The following FLT4 variants were observed in gnomAD, a reference collection of about 807,000 sequenced individuals.
FLT4 encodes vascular endothelial growth factor receptor 3.
Under a neutral mutation model 163.2 loss-of-function variants are expected in FLT4, and 30 were observed. The observed-to-expected ratio is 0.18, with a 90% CI of 0.14 to 0.25. FLT4 has a LOEUF of 0.25. Ranked by LOEUF, FLT4 falls within the 10% of genes least tolerant of loss-of-function variation. The pLI, the probability that FLT4 is intolerant of heterozygous loss-of-function variation, is 1.00. For synonymous variants in FLT4, 884 were observed against 789.5 expected (o/e 1.12, Z -2.01); for missense variants, 1,510 against 1,863.8 (o/e 0.81, Z 3.50).
chr5:180,648,541 C>T (rs1765587333), intron 1 of FLT4, among the ~76,000 whole-genome samples: 1 of 152,174 alleles, frequency 6.6e-6, no homozygotes, highest in Non-Finnish European at 1.5e-5. Flanking sequence ...GACACTGGAA[C>T]CCCTGACCCC....
intron 22 of FLT4, 91 bp from the exon 23 acceptor site, chr5:180,616,580 G>A (rs1762709194): frequency 1.4e-6 from 2 of 1,410,190 alleles, no homozygotes; most frequent in Non-Finnish European, 2.0e-6. Context: ...AAGCAGTGGG[G>A]ACCATGGGGA....
chr5:180,642,073 G>A (rs1009870648), intron 1 of FLT4, among the ~76,000 whole-genome samples: 7 of 152,116 alleles, frequency 4.6e-5, no homozygotes, highest in Non-Finnish European at 7.3e-5. Context: ...CCAGTGTGGT[G>A]GCGGGCGCCT....
intron 21 of FLT4, 79 bp downstream of exon 21, chr5:180,618,691 C>T (rs1000888905): frequency 6.2e-6 from 3 of 481,782 alleles, no homozygotes; most frequent in Non-Finnish European, 9.8e-6. Flanking sequence ...CCGCTGAGGA[C>T]CCCAGGCTGG....
intron 1 of FLT4, among the ~76,000 whole-genome samples, chr5:180,639,796 T>C (rs1764965882): frequency 6.6e-6 from 1 of 152,178 alleles, no homozygotes; most frequent in South Asian, 2.1e-4. Flanking sequence ...CCTTCCTGCC[T>C]GGCTGTTGTC....
intron 29 of FLT4, among the ~76,000 whole-genome samples, 187 bp from the exon 30 acceptor site, chr5:180,603,577 T>G (rs558676334): frequency 1.8e-4 from 28 of 152,066 alleles, no homozygotes; most frequent in African/African-American, 6.5e-4. Context: ...CCAGGCATGG[T>G]GGTGCACGCC....
chr5:180,614,542 C>T (rs1002892001), intron 23 of FLT4, among the ~76,000 whole-genome samples: 1 of 152,102 alleles, frequency 6.6e-6, no homozygotes, highest in African/African-American at 2.4e-5. Flanking sequence ...ACCATCTCCC[C>T]TGACAAGCAC....
At position 180,602,485 on chromosome 5, in the gene FLT4, T is replaced by C. The variant is rs1761564985; in HGVS notation, c.*707A>G. ...GAAAGCAAATTCTTCTCAGCAGCTC[T>C]AACAGTCTGTGAAGTTCTGTTGAAA... On this transcript the variant is annotated 3_prime_UTR_variant, in exon 30 of 30. Transcript: ENST00000261937. 7.5e-6 allele frequency: 3 copies of C among 398,312 alleles called. No individual in the cohort carries two copies. The highest frequency in any genetic ancestry group is 1.3e-5 in the Non-Finnish European group (3 of 226,386). The allele number at this position is 398,312 out of a possible 1,614,324, so 24.7% of individuals were successfully genotyped here.
chr5:180,615,433 G>A (rs1314844438), intron 23 of FLT4, among the ~76,000 whole-genome samples: 1 of 117,800 alleles, frequency 8.5e-6, no homozygotes. Flanking sequence ...CTTCCTTTCG[G>A]AGCACTGGGC....
Position 180,603,084 on chromosome 5 carries a change from C to T in FLT4, c.*108G>A. The T allele has an allele frequency of 9.3e-7, 1 of 1,073,038 alleles. No homozygotes were observed. Among genetic ancestry groups the T allele is most frequent in the Non-Finnish European group, 1.4e-6 (1 of 707,632 alleles). 66.5% of individuals were successfully genotyped at this position (1,073,038 alleles called of 1,614,324 possible). A position where few individuals can be genotyped will look rare whatever the true frequency, so the allele number is the denominator to read the frequency against. On this transcript the variant is annotated 3_prime_UTR_variant, in exon 30 of 30. Transcript: ENST00000261937. ...TCTGCAGAGAGGGAAGAGGACACTC[C>T]TGTGCCACCAGAGTTCAACCAGATG... is the stretch of plus-strand genomic sequence containing the variant.
At position 180,631,064 on chromosome 5, in the gene FLT4, C is replaced by A. The variant is rs529008737; in HGVS notation, c.156-265G>T. Among the ~76,000 whole-genome samples, 4 of 152,172 alleles carry A rather than the reference C, an allele frequency of 2.6e-5. No individual in the cohort carries two copies. The East Asian group carries it at 7.8e-4, about 30-fold the overall frequency. On this transcript the variant is annotated intron_variant, in intron 2 of 29. Coordinates refer to ENST00000261937, the MANE Select transcript of FLT4 (RefSeq NM_182925.5). The stretch of plus-strand genomic sequence containing the variant: ...GGTGGGGAGGTACCCATCTCTGGGG[C>A]CCCAGTGGGTGCTCCCAGGGTGGCT...
Position 180,616,499 on chromosome 5 carries a change from G to A in FLT4, c.3097-10C>T, listed in dbSNP as rs200714115. 9.9e-5 allele frequency: 159 copies of A among 1,613,488 alleles called. 1 individual carries two copies. The African/African-American group carries it at 1.5e-3, about 15-fold the overall frequency. ...GGTCTCTGTGGATGCACTGGGGTGC[G>A]GGGAGGCGGCAGGGGGGCTGTCAGT... On this transcript the variant is annotated splice_polypyrimidine_tract_variant and intron_variant, in intron 22 of 29. Coordinates refer to ENST00000261937, the MANE Select transcript of FLT4 (RefSeq NM_182925.5).
chr5:180,647,264 A>G (rs1765533224), intron 1 of FLT4, among the ~76,000 whole-genome samples: 1 of 152,162 alleles, frequency 6.6e-6, no homozygotes, highest in Admixed American at 6.5e-5. Context: ...AAGACTGTGG[A>G]ACTGCAGCAG....
At position 180,621,162 on chromosome 5, in the gene FLT4, G is replaced by A. The variant is rs773021479; in HGVS notation, c.2111C>T (p.Ala704Val). 3 of 1,612,810 alleles carry A rather than the reference G, an allele frequency of 1.9e-6. No individual in the cohort carries two copies. The highest frequency in any genetic ancestry group is 2.2e-5 in the East Asian group (1 of 44,860). Residue 704 changes from alanine (A) to valine (V), a missense_variant, in exon 14 of 30, where the codon GCG becomes GTG. Ala to Val is a moderately conservative substitution (Grantham distance 64). Coordinates refer to ENST00000261937, the MANE Select transcript of FLT4 (RefSeq NM_182925.5). Reference protein sequence around the residue: ...SLEMQCLVAGAHAPSIVWYKD... With the variant: ...SLEMQCLVAGVHAPSIVWYKD... ...GTACCACACGATGCTGGGCGCGTGCGCTCCGGCCACCAAGCACTGCATCTC... is the reference window on the plus strand; with the variant it reads ...GTACCACACGATGCTGGGCGCGTGCACTCCGGCCACCAAGCACTGCATCTC...
chr5:180,615,235 G>C (rs1389518731), intron 23 of FLT4, among the ~76,000 whole-genome samples: 3 of 82,018 alleles, frequency 3.7e-5, no homozygotes, highest in Non-Finnish European at 5.6e-5. Flanking sequence ...TGGAGCACTG[G>C]GCCCCGCTGG....
rs574796572 is a variant in FLT4, at chr5:180,604,264, G to A, written c.3894-874C>T. Among the ~76,000 whole-genome samples the A allele has an allele frequency of 1.9e-4, 29 of 152,162 alleles. No homozygotes were observed. The East Asian group carries it at 3.1e-3, about 16-fold the overall frequency. ...CTCTGTCTTGCCCATCTCAGTGAAC[G>A]GCACCACCGTCCCCTCAGCCGCTCA... On this transcript the variant is annotated intron_variant, in intron 29 of 29. Transcript: ENST00000261937.
Position 180,629,296 on chromosome 5 carries a change from G to T in FLT4, c.948C>A (p.Ile316=). The T allele has an allele frequency of 5.6e-6, 9 of 1,613,332 alleles. No homozygotes were observed. The highest frequency in any genetic ancestry group is 7.6e-6 in the Non-Finnish European group (9 of 1,180,020). ...GSYVCKANNG[I]QRFRESTEVI... The stretch of plus-strand genomic sequence containing the variant: ...CCTCGGTGCTCTCCCGAAATCGCTG[G>T]ATGCCGTTGTTGGCCTTGCACACAT... Residue 316 remains isoleucine, a synonymous_variant, in exon 7 of 30, where the codon ATC becomes ATA. Coordinates refer to ENST00000261937, the MANE Select transcript of FLT4 (RefSeq NM_182925.5).
intron 26 of FLT4, among the ~76,000 whole-genome samples, chr5:180,611,904 A>T (rs1439615184): frequency 6.6e-6 from 1 of 152,108 alleles, no homozygotes; most frequent in Non-Finnish European, 1.5e-5. Context: ...TCCCTCCTCC[A>T]GTCCCTAGCT....
chr5:180,641,637 G>T (rs13354923), intron 1 of FLT4, among the ~76,000 whole-genome samples: 6,524 of 152,232 alleles, frequency 0.043, 199 homozygotes, highest in South Asian at 0.12. Flanking sequence ...CAGGGACCTG[G>T]GGGGAGGCAG....
At chr5:180,632,365 T>C (rs1224104990) in intron 1 of FLT4, among the ~76,000 whole-genome samples, 2 of 151,780 alleles carry the variant, frequency 1.3e-5, no homozygotes, top group African/African-American at 4.8e-5. Context: ...GCTCCTCAGC[T>C]TCTCGCACCC....
Sources: allele counts gnomAD v4.1 joint callset (sites outside exome capture counted in the v4.1 genomes callset), GRCh38; gene constraint gnomAD v4.1.1; transcripts MANE v1.5; gene names NCBI Gene and HGNC (gene_info 2026-07-23, HGNC 2026-07-21).